Variants in ITPR1 observed in about 807,000 individuals in gnomAD.
The protein encoded by ITPR1 is inositol 1,4,5-trisphosphate-gated calcium channel ITPR1.
In ITPR1, 96 loss-of-function variants were observed where a neutral mutation model predicts 318.4. The observed-to-expected ratio is 0.30, with a 90% confidence interval of 0.26 to 0.36. The LOEUF (loss-of-function observed/expected upper bound fraction) is 0.36. ITPR1 is among the 10% of genes least tolerant of loss of function. ITPR1 has a pLI of 1.00. For synonymous variants in ITPR1, 1,312 were observed against 1,289.9 expected (o/e 1.02, Z -0.37); for missense variants, 2,440 against 3,460.2 (o/e 0.71, Z 7.40).
chr3:4,504,539 G>A (rs1460314529), intron 2 of ITPR1, among the ~76,000 whole-genome samples: 1 of 152,202 alleles, frequency 6.6e-6, no homozygotes, highest in Non-Finnish European at 1.5e-5. Context: ...GGGACATGCT[G>A]CATTTCTGAG....
rs77764633 is a variant in ITPR1, at chr3:4,846,273, T to A, written c.*48T>A. The A allele has an allele frequency of 7.8e-7, 1 of 1,276,060 alleles. No homozygotes were observed. Among genetic ancestry groups the A allele is most frequent in the South Asian group, 1.3e-5 (1 of 77,408 alleles). 79.0% of individuals were successfully genotyped at this position (1,276,060 alleles called of 1,614,324 possible). ...ATTTACCTTTTATAATTATTATTAG[T>A]GTGGGTATGGCTAATGAGTTCTGAT... is the stretch of plus-strand genomic sequence containing the variant. On this transcript the variant is annotated 3_prime_UTR_variant, in exon 62 of 62. Coordinates refer to ENST00000649015, the MANE Select transcript of ITPR1 (RefSeq NM_001378452.1).
chr3:4,549,867 C>T (rs2085383830), intron 4 of ITPR1, among the ~76,000 whole-genome samples: 1 of 152,126 alleles, frequency 6.6e-6, no homozygotes, highest in Non-Finnish European at 1.5e-5. Flanking sequence ...CCCACATAGT[C>T]GGAACCTTTC....
At chr3:4,680,807 A>C in intron 25 of ITPR1, 116 bp downstream of exon 25, 2 of 864,824 alleles carry the variant, frequency 2.3e-6, no homozygotes, top group Non-Finnish European at 3.5e-6. Flanking sequence ...GGATTATTGC[A>C]CCAGGGCATC....
At chr3:4,658,942 T>A (rs929669416) in intron 13 of ITPR1, among the ~76,000 whole-genome samples, 1 of 152,182 alleles carries the variant, frequency 6.6e-6, no homozygotes, top group Admixed American at 6.5e-5. Flanking sequence ...TATAATTTCA[T>A]CTTTCTCAAA....
At chr3:4,842,750 G>A (rs1409887943) in intron 61 of ITPR1, among the ~76,000 whole-genome samples, 1 of 152,096 alleles carries the variant, frequency 6.6e-6, no homozygotes, top group Non-Finnish European at 1.5e-5. Context: ...AGTTACCATA[G>A]ATTTTTTTTA....
At chr3:4,502,590 G>A (rs1381559940) in intron 2 of ITPR1, among the ~76,000 whole-genome samples, 2 of 151,812 alleles carry the variant, frequency 1.3e-5, no homozygotes, top group African/African-American at 4.8e-5. Context: ...ACAGGCATGT[G>A]CCACCATGCC....
chr3:4,704,728 C>G (rs533249010), intron 36 of ITPR1, among the ~76,000 whole-genome samples: 7 of 151,700 alleles, frequency 4.6e-5, no homozygotes, highest in African/African-American at 1.7e-4. Flanking sequence ...GGTGATAAGA[C>G]AAAAGACAAG....
intron 4 of ITPR1, among the ~76,000 whole-genome samples, chr3:4,562,847 G>A (rs983317990): frequency 6.6e-6 from 1 of 151,272 alleles, no homozygotes; most frequent in Admixed American, 6.6e-5. Flanking sequence ...CTAGTGGAGT[G>A]AGACAGACAC....
chr3:4,795,153 G>C lies in ITPR1; in HGVS notation c.6897G>C (p.Val2299=). ...FNLAVLMNLL[V]AFFYPFKGVR... ...TGGCCGTCCTGATGAACCTGCTGGT[G>C]GCGTTTTTCTACCCGTTTAAGGGAG... The change falls in exon 53 of 62, where the codon GTG becomes GTC. Residue 2299 remains valine, a synonymous_variant. Coordinates refer to ENST00000649015, the MANE Select transcript of ITPR1 (RefSeq NM_001378452.1). 3.1e-6 allele frequency: 5 copies of C among 1,613,720 alleles called. No homozygotes were observed. Among genetic ancestry groups the C allele is most frequent in the Non-Finnish European group, 4.2e-6 (5 of 1,179,790 alleles).
chr3:4,570,110 A>G (rs951795076), intron 4 of ITPR1, among the ~76,000 whole-genome samples: 2 of 152,320 alleles, frequency 1.3e-5, no homozygotes, highest in South Asian at 2.1e-4. Flanking sequence ...AAACAAATAT[A>G]GTTGCCGAAA....
intron 59 of ITPR1, 27 bp from the exon 60 acceptor site, chr3:4,818,055 G>C: frequency 6.3e-7 from 1 of 1,580,428 alleles, no homozygotes; most frequent in African/African-American, 1.3e-5. Context: ...CTCAGCTGGG[G>C]CTGGGGGCTT....
At chr3:4,655,841 G>T (rs1422803149) in intron 12 of ITPR1, among the ~76,000 whole-genome samples, 1 of 152,158 alleles carries the variant, frequency 6.6e-6, no homozygotes, top group Admixed American at 6.5e-5. Flanking sequence ...ATGGAGAGGG[G>T]ATCTTACCCG....
At chr3:4,832,373 CCTT>C (rs942328515) in intron 60 of ITPR1, among the ~76,000 whole-genome samples, 2 of 152,194 alleles carry the variant, frequency 1.3e-5, no homozygotes, top group African/African-American at 4.8e-5. Flanking sequence ...CAAAGTATGA[CCTT>C]CTTTGAAACG....
chr3:4,693,388 TA>T, intron 32 of ITPR1, 101 bp from the exon 33 acceptor site: 1 of 1,293,754 alleles, frequency 7.7e-7, no homozygotes, highest in Non-Finnish European at 1.1e-6. Flanking sequence ...TTTGGGAAGA[TA>T]AATGCTAACA....
At chr3:4,712,926 C>A (rs940414584) in intron 39 of ITPR1, among the ~76,000 whole-genome samples, 2 of 152,160 alleles carry the variant, frequency 1.3e-5, no homozygotes, top group Non-Finnish European at 2.9e-5. Flanking sequence ...ACATAGGTTT[C>A]TGTAACTCAG....
chr3:4,591,250 G>A (rs1167176779), intron 4 of ITPR1, among the ~76,000 whole-genome samples: 1 of 152,140 alleles, frequency 6.6e-6, no homozygotes, highest in Non-Finnish European at 1.5e-5. Context: ...CTCAGTCATG[G>A]GATTGCTGGG....
intron 60 of ITPR1, among the ~76,000 whole-genome samples, chr3:4,833,168 T>A (rs1559978132): frequency 6.6e-6 from 1 of 152,334 alleles, no homozygotes; most frequent in East Asian, 1.9e-4. Context: ...CATTTTGCAT[T>A]TATTTGTTCA....
At chr3:4,786,193 A>T (rs1304401400) in intron 51 of ITPR1, among the ~76,000 whole-genome samples, 1 of 152,218 alleles carries the variant, frequency 6.6e-6, no homozygotes, top group Admixed American at 6.5e-5. Context: ...CAGGCTCTTG[A>T]TAGCAGGAGA....
Position 4,663,111 on chromosome 3 carries a change from G to A in ITPR1, c.1459G>A (p.Gly487Arg). The A allele has an allele frequency of 6.2e-7, 1 of 1,613,702 alleles. No individual in the cohort carries two copies. Among genetic ancestry groups the A allele is most frequent in the Non-Finnish European group, 8.5e-7 (1 of 1,179,706 alleles). ...LEDLVYFVTG[G>R]TNSGQDVLEV... is the part of the protein sequence containing the mutation. ...AGATTTGGTTTACTTCGTCACTGGT[G>A]GAACTAATTCTGGTCAAGATGTTCT... Residue 487 changes from glycine (G) to arginine (R), a missense_variant, in exon 16 of 62, where the codon GGA becomes AGA. Coordinates refer to ENST00000649015, the MANE Select transcript of ITPR1 (RefSeq NM_001378452.1).
Sources: gnomAD v4.1 joint callset for allele counts (sites outside exome capture counted in the v4.1 genomes callset) on GRCh38, gnomAD v4.1.1 for gene constraint, MANE v1.5 for transcripts, NCBI Gene and HGNC (gene_info 2026-07-23, HGNC 2026-07-21) for gene names.